Variants in CASK observed in about 807,000 individuals in gnomAD.
CASK encodes the protein calcium/calmodulin dependent serine protein kinase, also known as peripheral plasma membrane protein CASK.
A neutral mutation model predicts 82.9 loss-of-function variants in CASK; 4 were observed. That is an observed-to-expected ratio of 0.05 (90% confidence interval 0.02 to 0.11). The LOEUF (loss-of-function observed/expected upper bound fraction) is 0.11. Ranked by LOEUF, CASK falls within the 10% of genes least tolerant of loss-of-function variation. The pLI, the probability that CASK is intolerant of heterozygous loss-of-function variation, is 1.00. For synonymous variants in CASK, 259 were observed against 253.5 expected (o/e 1.02, Z -0.20); for missense variants, 358 against 720.9 (o/e 0.50, Z 5.76).
intron 3 of CASK, among the ~76,000 whole-genome samples, chrX:41,776,886 T>G (rs2069374891): frequency 8.9e-6 from 1 of 112,342 alleles, no homozygotes. Flanking sequence ...TTTGATATAG[T>G]AATTCAAGAC....
chrX:41,610,106 T>C, intron 11 of CASK, 81 bp from the exon 12 acceptor site: 2 of 977,340 alleles, frequency 2.0e-6, no homozygotes. Flanking sequence ...ATCTTACACT[T>C]AAGAACAATG....
chrX:41,751,580 G>A (rs2068790037), intron 3 of CASK, among the ~76,000 whole-genome samples: 1 of 109,652 alleles, frequency 9.1e-6, no homozygotes, highest in African/African-American at 3.3e-5. Flanking sequence ...GAGGGGGTGG[G>A]GTGGTCAGAT....
intron 3 of CASK, among the ~76,000 whole-genome samples, chrX:41,776,784 G>A (rs1274854954): frequency 8.9e-6 from 1 of 112,280 alleles, no homozygotes; most frequent in African/African-American, 3.2e-5. Context: ...AGAAATCAAA[G>A]AGCTAAATAA....
At chrX:41,744,259 G>A (rs1056199318) in intron 4 of CASK, among the ~76,000 whole-genome samples, 2 of 111,450 alleles carry the variant, frequency 1.8e-5, no homozygotes, top group African/African-American at 6.5e-5. Context: ...ATGATTGAAT[G>A]TAACCAAAAC....
chrX:41,719,696 T>C (rs886165947), intron 5 of CASK, among the ~76,000 whole-genome samples: 7 of 111,996 alleles, frequency 6.3e-5, no homozygotes, highest in African/African-American at 2.3e-4. Context: ...CGGTTTCCAT[T>C]GGCTGGAACG....
At chrX:41,737,100 C>T (rs771084607) in intron 5 of CASK, among the ~76,000 whole-genome samples, 1 of 112,071 alleles carries the variant, frequency 8.9e-6, no homozygotes, top group Non-Finnish European at 1.9e-5. Context: ...TGTCAGTTTG[C>T]TTCAGGAGGC....
intron 5 of CASK, chrX:41,676,536 C>T (rs769492863): frequency 1.6e-5 from 18 of 1,117,428 alleles, no homozygotes; most frequent in South Asian, 2.0e-5. Context: ...CGCCGGCACG[C>T]GGCCTCGCCT....
chrX:41,668,016 G>A (rs1276040209), intron 6 of CASK, among the ~76,000 whole-genome samples: 3 of 111,382 alleles, frequency 2.7e-5, no homozygotes, highest in South Asian at 3.7e-4. Context: ...TTAGTTCTGC[G>A]TTCTCCTAAT....
intron 1 of CASK, among the ~76,000 whole-genome samples, chrX:41,900,497 C>T (rs1331491320): frequency 9.1e-6 from 1 of 109,721 alleles, no homozygotes; most frequent in Non-Finnish European, 1.9e-5. Flanking sequence ...CATCTTTGAG[C>T]TCACTAATTT....
intron 1 of CASK, among the ~76,000 whole-genome samples, chrX:41,911,026 C>G (rs781180771): frequency 1.8e-5 from 2 of 111,688 alleles, no homozygotes; most frequent in African/African-American, 6.5e-5. Context: ...AGTAACAGTT[C>G]TCTTAAATTT....
At chrX:41,746,478 G>A (rs1422525665) in intron 3 of CASK, among the ~76,000 whole-genome samples, 7 of 109,970 alleles carry the variant, frequency 6.4e-5, no homozygotes, top group Non-Finnish European at 1.1e-4. Context: ...AACTCTATAT[G>A]GTCCATAACA....
intron 5 of CASK, among the ~76,000 whole-genome samples, chrX:41,714,337 C>T (rs1307374177): frequency 1.8e-5 from 2 of 111,630 alleles, no homozygotes; most frequent in East Asian, 2.8e-4. Flanking sequence ...ATAGAGGCTA[C>T]AGTTAGGAAA....
chrX:41,742,609 A>G (rs1008894231), intron 4 of CASK, among the ~76,000 whole-genome samples: 1 of 111,865 alleles, frequency 8.9e-6, no homozygotes, highest in African/African-American at 3.3e-5. Context: ...AACATTATCA[A>G]TTTGATTACT....
chrX:41,727,371 A>C, intron 5 of CASK: 1 of 1,209,176 alleles, frequency 8.3e-7, no homozygotes, highest in Non-Finnish European at 1.1e-6. Context: ...GGATTGCCAT[A>C]AGCCGCTATG....
Position 41,671,544 on chromosome X carries a change from C to G in CASK, c.430-14G>C. 9.2e-7 allele frequency: 1 copy of G among 1,088,410 alleles called. No individual in the cohort carries two copies. The highest frequency in any genetic ancestry group is 1.3e-6 in the Non-Finnish European group (1 of 784,166). 89.7% of individuals were successfully genotyped at this position (1,088,410 alleles called of 1,213,427 possible). A position where few individuals can be genotyped will look rare whatever the true frequency, so the allele number is the denominator to read the frequency against. On this transcript the variant is annotated splice_polypyrimidine_tract_variant and intron_variant, in intron 5 of 26. Transcript: ENST00000378163. ...AACACAGTGGGGCTGAAAAGAAAAA[C>G]AGACGAACAAACAAACAAAAAACAA...
Position 41,518,126 on chromosome X carries a change from T to C in CASK, c.*2294A>G, listed in dbSNP as rs1017673138. 5.0e-5 allele frequency: 9 copies of C among 179,268 alleles called. No individual in the cohort carries two copies. The highest frequency in any genetic ancestry group is 8.3e-5 in the Non-Finnish European group (8 of 96,563). The allele number at this position is 179,268 out of a possible 1,213,427, so 14.8% of individuals were successfully genotyped here. A position where few individuals can be genotyped will look rare whatever the true frequency, so the allele number is the denominator to read the frequency against. ...TCTGCTTAATCCACCTTTATAAATA[T>C]GGCAGATGGCTTAAGACAGGCATCA... On this transcript the variant is annotated 3_prime_UTR_variant, in exon 27 of 27. Transcript: ENST00000378163.
In CASK at chrX:41,731,556, G is replaced by C. The variant is rs771779596; in HGVS notation, c.429+7828C>G. ...TTACATTTAAAAAGGCAGGAAAAGA[G>C]ATATGCAATTTCTCTTTAAGTTACT... On this transcript the variant is annotated intron_variant, in intron 5 of 26. Transcript: ENST00000378163. 2.7e-5 allele frequency among the ~76,000 whole-genome samples: 3 copies of C among 112,360 alleles called. No individual in the cohort carries two copies. The South Asian group carries it at 1.1e-3, about 41-fold the overall frequency.
At chrX:41,765,035 A>G (rs771085882) in intron 3 of CASK, among the ~76,000 whole-genome samples, 1 of 112,153 alleles carries the variant, frequency 8.9e-6, no homozygotes, top group South Asian at 3.7e-4. Flanking sequence ...ATATTTCCTA[A>G]TAAGATTCAA....
chrX:41,916,508 A>T (rs774130403), intron 1 of CASK, among the ~76,000 whole-genome samples: 1 of 111,874 alleles, frequency 8.9e-6, no homozygotes, highest in African/African-American at 3.3e-5. Context: ...CTAAAAAATA[A>T]AACCAAAAAA....
Sources: allele counts gnomAD v4.1 joint callset (sites outside exome capture counted in the v4.1 genomes callset), GRCh38; gene constraint gnomAD v4.1.1; transcripts MANE v1.5; gene names NCBI Gene and HGNC (gene_info 2026-07-23, HGNC 2026-07-21).